Variants in MTCL2 observed in about 807,000 individuals in gnomAD.
The protein encoded by MTCL2 is microtubule cross-linking factor 2.
chr20:36,850,027 A>T, the MTCL2 span, among the ~76,000 whole-genome samples: 1 of 152,184 alleles, frequency 6.6e-6, no homozygotes, highest in Non-Finnish European at 1.5e-5. Flanking sequence ...AGAGACTTCC[A>T]GAGCGGAAGT....
At chr20:36,785,716 G>C in the MTCL2 span, 2 of 985,388 alleles carry the variant, frequency 2.0e-6, no homozygotes, top group African/African-American at 3.5e-5. Flanking sequence ...CTGTCCTCAA[G>C]GGGTCTGCTG....
the MTCL2 span, chr20:36,862,877 C>T: frequency 8.1e-7 from 1 of 1,235,888 alleles, no homozygotes. Context: ...CCGGCTGCCC[C>T]GTACGGACCC....
chr20:36,823,563 T>G, the MTCL2 span, among the ~76,000 whole-genome samples: 5 of 152,210 alleles, frequency 3.3e-5, no homozygotes, highest in Non-Finnish European at 2.9e-5. Flanking sequence ...TCCCAGCACT[T>G]TGGGAAGCTG....
the MTCL2 span, among the ~76,000 whole-genome samples, chr20:36,800,988 A>G: frequency 6.6e-6 from 1 of 152,314 alleles, no homozygotes; most frequent in East Asian, 1.9e-4. Context: ...TGAAATATTC[A>G]TGCGTGTGCA....
At chr20:36,802,141 CCGGCTGTGGTAGCACA>C in the MTCL2 span, among the ~76,000 whole-genome samples, 9 of 151,976 alleles carry the variant, frequency 5.9e-5, no homozygotes. Flanking sequence ...TAAAAATTAG[CCGGCTGTGGTAGCACA>C]CGCCTGTAAT....
chr20:36,784,538 C>T, the MTCL2 span: 1 of 985,548 alleles, frequency 1.0e-6, no homozygotes. Flanking sequence ...ACAAGCTGAT[C>T]CATCCTGGTG....
the MTCL2 span, chr20:36,808,547 T>A: frequency 1.2e-6 from 2 of 1,606,844 alleles, no homozygotes; most frequent in East Asian, 2.2e-5. Flanking sequence ...GGGCAAAACC[T>A]TGCCCTGCCG....
chr20:36,786,484 G>C, the MTCL2 span: 2 of 1,534,504 alleles, frequency 1.3e-6, no homozygotes, highest in Non-Finnish European at 1.8e-6. Context: ...TGGCTGCTCT[G>C]TCACTCGCTG....
the MTCL2 span, among the ~76,000 whole-genome samples, chr20:36,821,401 GC>G: frequency 6.6e-6 from 1 of 152,104 alleles, no homozygotes; most frequent in Admixed American, 6.5e-5. Flanking sequence ...GGTGGTGCAT[GC>G]CTGTAATCCC....
chr20:36,793,884 G>A, the MTCL2 span: 1 of 1,550,352 alleles, frequency 6.5e-7, no homozygotes, highest in African/African-American at 1.4e-5. This position sits in a 1 kb window ranked among gnomAD's most constrained non-coding sequence, Gnocchi z 6.8. Context: ...GCCTTGCCAT[G>A]GAGGCTGCTG....
At chr20:36,805,026 C>G in the MTCL2 span, 1 of 1,031,934 alleles carries the variant, frequency 9.7e-7, no homozygotes, top group Non-Finnish European at 1.4e-6. Flanking sequence ...AGTCCCACAA[C>G]CTCCCTAGGT....
the MTCL2 span, among the ~76,000 whole-genome samples, chr20:36,822,069 C>T: frequency 6.6e-6 from 1 of 152,354 alleles, no homozygotes; most frequent in Admixed American, 6.5e-5. Context: ...ACACTTCCCC[C>T]ACCTTATCTA....
chr20:36,829,222 G>C, the MTCL2 span: 1 of 1,602,178 alleles, frequency 6.2e-7, no homozygotes, highest in Non-Finnish European at 8.5e-7. Flanking sequence ...CCTGTGCAGG[G>C]GTGGGAGAGA....
chr20:36,793,781 C>A, the MTCL2 span: 1 of 1,540,984 alleles, frequency 6.5e-7, no homozygotes, highest in Non-Finnish European at 8.7e-7. This position sits in a 1 kb window ranked among gnomAD's most constrained non-coding sequence, Gnocchi z 6.8. Flanking sequence ...GGGGGAGCAG[C>A]AGGGCCGCTC....
chr20:36,807,843 G>A, the MTCL2 span, among the ~76,000 whole-genome samples: 1 of 149,706 alleles, frequency 6.7e-6, no homozygotes, highest in Non-Finnish European at 1.5e-5. Context: ...AGATCAGCCT[G>A]GCCAACATGG....
At chr20:36,808,853 G>T in the MTCL2 span, 1 of 937,252 alleles carries the variant, frequency 1.1e-6, no homozygotes. Flanking sequence ...GCCTGTGAGT[G>T]ATCCCTGCCG....
chr20:36,797,709 G>C, the MTCL2 span: 1 of 745,018 alleles, frequency 1.3e-6, no homozygotes, highest in Admixed American at 2.6e-5. Context: ...CACCTTCTCA[G>C]TGGGTAGCAG....
the MTCL2 span, among the ~76,000 whole-genome samples, chr20:36,856,336 A>C: frequency 1.3e-5 from 2 of 152,158 alleles, no homozygotes; most frequent in South Asian, 4.1e-4. Flanking sequence ...TAGCTCCTCT[A>C]GCCACCTCTA....
the MTCL2 span, among the ~76,000 whole-genome samples, chr20:36,845,009 T>TC: frequency 2.1e-5 from 1 of 47,344 alleles, no homozygotes; most frequent in Non-Finnish European, 4.6e-5. Context: ...AGATTCTGTC[T>TC]CAAAAAAAAA....
Sources: allele counts gnomAD v4.1 joint callset (sites outside exome capture counted in the v4.1 genomes callset), GRCh38; gene constraint gnomAD v4.1.1; non-coding constraint Gnocchi (gnomAD v3.1); transcripts MANE v1.5; gene names NCBI Gene and HGNC (gene_info 2026-07-23, HGNC 2026-07-21).